PLCH2: variants seen among roughly 807,000 people sequenced by gnomAD.
PLCH2 encodes phospholipase C eta 2.
A neutral mutation model predicts 134.7 loss-of-function variants in PLCH2; 98 were observed. The observed-to-expected ratio is 0.73, with a 90% CI of 0.62 to 0.86. The LOEUF is 0.86. Among genes scored for constraint, PLCH2 ranks in the 40% least tolerant of loss-of-function variants. The pLI is 0.00. For missense variants in PLCH2, 1,994 were observed against 1,986.6 expected (o/e 1.00, Z -0.07); for synonymous variants, 974 against 827.5 (o/e 1.18, Z -3.04).
chr1:2,456,718 G>A (rs750715135), intron 2 of PLCH2, among the ~76,000 whole-genome samples: 1 of 152,160 alleles, frequency 6.6e-6, no homozygotes, highest in Non-Finnish European at 1.5e-5. Context: ...TGAAGCCAGG[G>A]AGCTGGGCCT....
At chr1:2,474,383 C>G (rs1641502944), upstream of PLCH2, among the ~76,000 whole-genome samples, 1 of 101,560 alleles carries the variant, frequency 9.8e-6, no homozygotes. Context: ...CCGGCAGAGG[C>G]CTGTGTCAGG....
At chr1:2,470,552 G>A (rs923519095) in intron 1 of PLCH2, among the ~76,000 whole-genome samples, 10 of 152,198 alleles carry the variant, frequency 6.6e-5, no homozygotes, top group African/African-American at 2.2e-4. Context: ...TGGCCGGGAA[G>A]AGCAGCCCCG....
the PLCH2 span, among the ~76,000 whole-genome samples, chr1:2,417,059 A>G: frequency 6.6e-6 from 1 of 152,160 alleles, no homozygotes; most frequent in Non-Finnish European, 1.5e-5. Flanking sequence ...ACTGATGGCC[A>G]GAGAGGCCAT....
upstream of PLCH2, among the ~76,000 whole-genome samples, chr1:2,474,025 G>A (rs561680887): frequency 1.8e-4 from 27 of 152,344 alleles, no homozygotes; most frequent in Admixed American, 1.2e-3. Context: ...AGAGCAGAGC[G>A]TGGCTTCTTC....
At position 2,503,648 on chromosome 1, in the gene PLCH2, C is replaced by T. The variant is rs528233454; in HGVS notation, c.2960-274C>T. The T allele has an allele frequency of 4.5e-5, 31 of 696,014 alleles. No individual in the cohort carries two copies. The East Asian group carries it at 7.3e-4, about 16-fold the overall frequency. The allele number at this position is 696,014 out of a possible 1,614,324, so 43.1% of individuals were successfully genotyped here. Reference sequence around the variant, plus strand: ...ACTGAGAGCGGCGAGTGACAGGTAACGGGGCCCAGCCCCGGTGTCCCGTGC... The same window carrying T: ...ACTGAGAGCGGCGAGTGACAGGTAATGGGGCCCAGCCCCGGTGTCCCGTGC... On this transcript the variant is annotated intron_variant, in intron 21 of 21. Coordinates refer to ENST00000378486, the MANE Select transcript of PLCH2 (RefSeq NM_014638.4).
upstream of PLCH2, among the ~76,000 whole-genome samples, chr1:2,425,132 C>T (rs921050665): frequency 2.8e-5 from 4 of 141,840 alleles, no homozygotes; most frequent in African/African-American, 5.3e-5. Flanking sequence ...CACCGCACTC[C>T]AGCCTAGGCG....
At chr1:2,453,637 C>T (rs999347033) in intron 2 of PLCH2, among the ~76,000 whole-genome samples, 1 of 152,198 alleles carries the variant, frequency 6.6e-6, no homozygotes, top group Non-Finnish European at 1.5e-5. Flanking sequence ...TCCACCACCC[C>T]TTCCTTCCAC....
intron 19 of PLCH2, 143 bp downstream of exon 19, chr1:2,499,373 G>A: frequency 1.8e-6 from 2 of 1,083,486 alleles, no homozygotes; most frequent in South Asian, 1.5e-5. Flanking sequence ...CGGGAGGAGA[G>A]CCAGCCTGGG....
chr1:2,464,099 G>C (rs2477689), upstream of PLCH2, among the ~76,000 whole-genome samples: 96,709 of 152,222 alleles, frequency 0.64, 32,996 homozygotes, highest in East Asian at 0.87. Flanking sequence ...TGTGACCAGG[G>C]CACTGGCCTC....
In PLCH2 at chr1:2,484,474, G is replaced by C. The variant is rs760323594; in HGVS notation, c.672G>C (p.Gly224=). Residue 224 remains glycine, a synonymous_variant, in exon 5 of 22, where the codon GGG becomes GGC. Transcript: ENST00000378486. ...AAGCGGACACGGATGACCACCAAGG[G>C]ACGCTGGGTTTTGAAGAGTTCTGTG... ...FREADTDDHQ[G]TLGFEEFCAF... 3.9e-5 allele frequency: 63 copies of C among 1,613,166 alleles called. No individual in the cohort carries two copies. In the Middle Eastern group the frequency reaches 4.9e-4, roughly 13 times the overall value.
intron 2 of PLCH2, among the ~76,000 whole-genome samples, chr1:2,431,132 C>T (rs1281260271): frequency 6.6e-6 from 1 of 152,140 alleles, no homozygotes; most frequent in Non-Finnish European, 1.5e-5. Context: ...GCTGGCTGCC[C>T]TGCGTGTGCG....
At chr1:2,472,799 G>A (rs149460407), upstream of PLCH2, among the ~76,000 whole-genome samples, 116 of 152,284 alleles carry the variant, frequency 7.6e-4, 4 homozygotes, top group East Asian at 0.022. Flanking sequence ...TGGGGCCCCT[G>A]CCCGTCCCGT....
chr1:2,444,652 T>A lies in PLCH2; in HGVS notation c.115+14023T>A, dbSNP rs2100537133. The stretch of plus-strand genomic sequence containing the variant: ...CTGGTGGAGGAAGATGCCAAGGAGA[T>A]AAGAGGCTTCCCCTCCCCTCCGCTC... On this transcript the variant is annotated intron_variant, in intron 2 of 3. Coordinates refer to the PLCH2 transcript ENST00000609981. The surrounding 1 kb of genome is among the most constrained non-coding windows in gnomAD (Gnocchi z 4.6). Among the ~76,000 whole-genome samples the A allele has an allele frequency of 6.6e-6, 1 of 152,002 alleles. No individual in the cohort carries two copies. Among genetic ancestry groups the A allele is most frequent in the South Asian group, 2.1e-4 (1 of 4,800 alleles).
In PLCH2 at chr1:2,444,085, G is replaced by T. The variant is rs1409552930; in HGVS notation, c.115+13456G>T. ...GCTGAGCCGCCTGGGCTTCAGACTC[G>T]GGAGCGGAGGCTCGGATCGCGGTGG... On this transcript the variant is annotated intron_variant, in intron 2 of 3. Transcript: ENST00000609981. This position sits in a 1 kb window ranked among gnomAD's most constrained non-coding sequence, Gnocchi z 4.6. Among the ~76,000 whole-genome samples the T allele has an allele frequency of 2.6e-5, 4 of 152,192 alleles. No homozygotes were observed. Among genetic ancestry groups the T allele is most frequent in the Admixed American group, 2.6e-4 (4 of 15,294 alleles).
In PLCH2 at chr1:2,479,803, G is replaced by A; in HGVS notation, c.341G>A (p.Gly114Asp). Reference sequence around the variant, plus strand: ...GAGGTCTTCCAGCGCTACCCTGACGGCAGCTTCGACCCCAACTGCTGCTTC... The same window carrying A: ...GAGGTCTTCCAGCGCTACCCTGACGACAGCTTCGACCCCAACTGCTGCTTC... The part of the protein sequence containing the change: ...QSEVFQRYPD[G>D]SFDPNCCFSI... The change falls in exon 3 of 22, where the codon GGC becomes GAC. Residue 114 changes from glycine (G) to aspartate (D), a missense_variant. Around this residue, in one of 2 missense-constraint regions of PLCH2, gnomAD observed 1,094 missense variants for 1,234.3 expected, o/e 0.89. Transcript: ENST00000378486. 2 of 1,590,080 alleles carry A rather than the reference G, an allele frequency of 1.3e-6. No individual in the cohort carries two copies. The highest frequency in any genetic ancestry group is 8.6e-7 in the Non-Finnish European group (1 of 1,169,258).
At chr1:2,503,313 C>A in intron 21 of PLCH2, 1 of 573,236 alleles carries the variant, frequency 1.7e-6, no homozygotes. Context: ...CACGTACCAT[C>A]CCATTCCCAC....
chr1:2,470,928 G>A (rs2477697), intron 1 of PLCH2, among the ~76,000 whole-genome samples: 1,958 of 152,350 alleles, frequency 0.013, 50 homozygotes, highest in African/African-American at 0.045. Context: ...CCCCAGGCCA[G>A]GTGGGTGCGA....
chr1:2,498,360 A>G lies in PLCH2; in HGVS notation c.2225-163A>G, dbSNP rs1452232809. 5.8e-6 allele frequency: 4 copies of G among 692,474 alleles called. No homozygotes were observed. In the Admixed American group the frequency reaches 1.2e-4, roughly 20 times the overall value. 42.9% of individuals were successfully genotyped at this position (692,474 alleles called of 1,614,324 possible). ...AGGTGATCCATACTGGGCCAGGTGCACCCCGAGGTGCCCCCCTGGACCACT... is the reference window on the plus strand; with the variant it reads ...AGGTGATCCATACTGGGCCAGGTGCGCCCCGAGGTGCCCCCCTGGACCACT... On this transcript the variant is annotated intron_variant, in intron 16 of 21. Transcript: ENST00000378486. This position sits in a 1 kb window ranked among gnomAD's most constrained non-coding sequence, Gnocchi z 5.4.
At chr1:2,435,942 C>T (rs72924961) in intron 2 of PLCH2, among the ~76,000 whole-genome samples, 1,751 of 149,102 alleles carry the variant, frequency 0.012, 41 homozygotes, top group African/African-American at 0.04. Context: ...TCCTCCCTTC[C>T]TCCCTCCTCT....
Sources: gnomAD v4.1 joint callset for allele counts (sites outside exome capture counted in the v4.1 genomes callset) on GRCh38, gnomAD v4.1.1 for gene constraint, gnomAD v4.1.1 regional missense constraint, Gnocchi (gnomAD v3.1) non-coding constraint, MANE v1.5 for transcripts, NCBI Gene and HGNC (gene_info 2026-07-23, HGNC 2026-07-21) for gene names.